Variants in GREB1 observed in about 807,000 individuals in gnomAD.
The protein encoded by GREB1 is growth regulating estrogen receptor binding 1.
A neutral mutation model predicts 200.7 loss-of-function variants in GREB1; 106 were observed. The observed-to-expected ratio is 0.53, with a 90% confidence interval of 0.45 to 0.62. GREB1 has a LOEUF of 0.62. Among genes scored for constraint, GREB1 ranks in the 20% least tolerant of loss-of-function variants. GREB1 has a pLI of 0.00. For missense variants in GREB1, 2,243 were observed against 2,556.8 expected (o/e 0.88, Z 2.65); for synonymous variants, 1,132 against 1,092.4 (o/e 1.04, Z -0.72).
chr2:11,532,777 C>G (rs922282573), upstream of GREB1, among the ~76,000 whole-genome samples: 1 of 152,122 alleles, frequency 6.6e-6, no homozygotes, highest in Non-Finnish European at 1.5e-5. Context: ...TTCTTGTTAT[C>G]CAGGTTTAAG....
chr2:11,500,211 G>T (rs564895990), intron 1 of GREB1, among the ~76,000 whole-genome samples: 1 of 152,306 alleles, frequency 6.6e-6, no homozygotes, highest in Admixed American at 6.5e-5. Context: ...GCCCAGGCTG[G>T]AGTGCAGTGG....
In GREB1 at chr2:11,597,856, C is replaced by G. The variant is rs773037321; in HGVS notation, c.2030C>G (p.Ser677Cys). 1.2e-5 allele frequency: 20 copies of G among 1,614,056 alleles called. No individual in the cohort carries two copies. Among genetic ancestry groups the G allele is most frequent in the Admixed American group, 1.7e-5 (1 of 60,002 alleles). ...CAGAAGCTCCTCTCCCATGTGTGTTCCATTGCGGATTCCAGCACCCAAAAT... is the reference window on the plus strand; with the variant it reads ...CAGAAGCTCCTCTCCCATGTGTGTTGCATTGCGGATTCCAGCACCCAAAAT... ...VAQKLLSHVC[S>C]IADSSTQNLD... The change falls in exon 14 of 33, where the codon TCC (serine) becomes TGC (cysteine). Residue 677 changes from serine to cysteine, a missense_variant. By Grantham distance (112) the Ser-to-Cys change is moderately radical. Transcript: ENST00000381486. The surrounding 1 kb of genome is among the most constrained non-coding windows in gnomAD (Gnocchi z 4.1).
intron 4 of GREB1, among the ~76,000 whole-genome samples, chr2:11,568,770 C>T (rs747130325): frequency 2.0e-5 from 3 of 152,252 alleles, no homozygotes; most frequent in Admixed American, 6.5e-5. Context: ...AGAGCCAGCT[C>T]ATCGAGGAGA....
At chr2:11,521,786 T>C (rs1425620660) in intron 1 of GREB1, among the ~76,000 whole-genome samples, 4 of 152,244 alleles carry the variant, frequency 2.6e-5, no homozygotes, top group South Asian at 2.1e-4. Flanking sequence ...TTGGCTACTT[T>C]GTGCCGTATT....
chr2:11,602,399 G>C lies in GREB1; in HGVS notation c.2530-7G>C. 6.2e-7 allele frequency: 1 copy of C among 1,613,352 alleles called. No individual in the cohort carries two copies. Among genetic ancestry groups the C allele is most frequent in the Non-Finnish European group, 8.5e-7 (1 of 1,179,432 alleles). On this transcript the variant is annotated splice_region_variant and splice_polypyrimidine_tract_variant and intron_variant, in intron 16 of 32. Transcript: ENST00000381486. ...GTTGGAGTGACCGACGCTCTTCTTT[G>C]TTTTAGGGAGTGGACTTATATCATG...
chr2:11,554,915 C>T (rs1434339544), intron 1 of GREB1, among the ~76,000 whole-genome samples: 3 of 152,150 alleles, frequency 2.0e-5, no homozygotes, highest in Non-Finnish European at 4.4e-5. Flanking sequence ...AAGTCACCCC[C>T]CATTGCTGTC....
intron 9 of GREB1, chr2:11,587,733 A>ACGCG (rs1434702103): frequency 1.7e-6 from 2 of 1,175,012 alleles, no homozygotes; most frequent in South Asian, 2.8e-5. Flanking sequence ...ACACACACAC[A>ACGCG]CACACACACG....
At chr2:11,614,843 T>TG (rs1683267132) in intron 19 of GREB1, among the ~76,000 whole-genome samples, 1 of 151,864 alleles carries the variant, frequency 6.6e-6, no homozygotes, top group South Asian at 2.1e-4. Flanking sequence ...AAGCCCCTTT[T>TG]TTATCTGACC....
chr2:11,534,737 C>T (rs1395276177), intron 1 of GREB1, among the ~76,000 whole-genome samples: 1 of 152,206 alleles, frequency 6.6e-6, no homozygotes, highest in Non-Finnish European at 1.5e-5. Context: ...TGTGCTTCTT[C>T]TTCACATATA....
At chr2:11,573,771 T>C (rs1678552782) in intron 4 of GREB1, among the ~76,000 whole-genome samples, 1 of 152,242 alleles carries the variant, frequency 6.6e-6, no homozygotes, top group Admixed American at 6.5e-5. Context: ...CCCTCATTTC[T>C]GAATCACAAA....
rs1685587548 is a variant in GREB1 at position 11,638,825 on chromosome 2, T to G, written c.5686+16T>G. The G allele has an allele frequency of 6.2e-7, 1 of 1,613,376 alleles. No individual in the cohort carries two copies. The highest frequency in any genetic ancestry group is 8.5e-7 in the Non-Finnish European group (1 of 1,179,666). ...TTTCTGAAAGGTAACTTTTGTACTC[T>G]TAACTCTGCACCTTGTCTTCAATGG... On this transcript the variant is annotated intron_variant, in intron 32 of 32. Coordinates refer to ENST00000381486, the MANE Select transcript of GREB1 (RefSeq NM_014668.4).
At chr2:11,612,731 G>T in intron 19 of GREB1, 121 bp downstream of exon 19, 1 of 630,226 alleles carries the variant, frequency 1.6e-6, no homozygotes, top group African/African-American at 1.8e-5. Flanking sequence ...ACATTCACAG[G>T]CCCCGTGGGT....
intron 4 of GREB1, among the ~76,000 whole-genome samples, chr2:11,568,123 A>G (rs1677875414): frequency 6.6e-6 from 1 of 152,204 alleles, no homozygotes; most frequent in Admixed American, 6.5e-5. Flanking sequence ...AAAAACTTCT[A>G]AGTTGAAAAC....
intron 9 of GREB1, chr2:11,587,732 C>T (rs537158955): frequency 0.014 from 16,848 of 1,210,252 alleles, 2,124 homozygotes; most frequent in Middle Eastern, 0.026. Flanking sequence ...CACACACACA[C>T]ACACACACAC....
At chr2:11,587,262 G>C in intron 9 of GREB1, 1 of 778,046 alleles carries the variant, frequency 1.3e-6, no homozygotes, top group Non-Finnish European at 2.3e-6. Context: ...CCTTCTCCAT[G>C]AAGTTGTCTT....
At chr2:11,590,420 G>GCTCTGTCCCAGCC (rs1482589300) in intron 10 of GREB1, among the ~76,000 whole-genome samples, 19 of 152,216 alleles carry the variant, frequency 1.2e-4, no homozygotes, top group Middle Eastern at 3.4e-3. Context: ...CCACCTGCTT[G>GCTCTGTCCCAGCC]CTCTGTCCCA....
At chr2:11,528,493 A>G (rs1673959458) in intron 1 of GREB1, among the ~76,000 whole-genome samples, 1 of 152,070 alleles carries the variant, frequency 6.6e-6, no homozygotes, top group South Asian at 2.1e-4. Flanking sequence ...ATCTATGGTT[A>G]TAGAATTTTT....
At chr2:11,630,140 C>T (rs1262417369) in intron 26 of GREB1, 31 bp downstream of exon 26, 1 of 1,610,198 alleles carries the variant, frequency 6.2e-7, no homozygotes, top group South Asian at 1.1e-5. Context: ...TGGGACAGAT[C>T]CAAGTGGCTT....
chr2:11,538,615 TTC>T (rs1357191209), intron 1 of GREB1, among the ~76,000 whole-genome samples: 1 of 5,260 alleles, frequency 1.9e-4, no homozygotes, highest in East Asian at 7.7e-3. Flanking sequence ...TTGTGTTTCT[TTC>T]TTTCTTTCTT....
Sources: allele counts gnomAD v4.1 joint callset (sites outside exome capture counted in the v4.1 genomes callset), GRCh38; gene constraint gnomAD v4.1.1; non-coding constraint Gnocchi (gnomAD v3.1); transcripts MANE v1.5; gene names NCBI Gene and HGNC (gene_info 2026-07-23, HGNC 2026-07-21).